The following SEC14L6 variants were observed in gnomAD, a reference collection of about 807,000 sequenced individuals.
SEC14L6 encodes SEC14-like protein 6.
A neutral mutation model predicts 54.1 loss-of-function variants in SEC14L6; 40 were observed. That is an observed-to-expected ratio of 0.74 (90% CI 0.57 to 0.96). The LOEUF is 0.96. Among genes scored for constraint, SEC14L6 ranks in the 40% least tolerant of loss-of-function variants. The probability of loss-of-function intolerance (pLI) is 0.00; values close to 1 mark genes in which losing one functional copy is unlikely to be tolerated. For missense variants in SEC14L6, 471 were observed against 498.3 expected, an observed-to-expected ratio of 0.95 and a Z score of 0.52; for synonymous variants, 171 against 198.4, an observed-to-expected ratio of 0.86 and a Z score of 1.16.
At chr22:30,542,568 G>C in intron 1 of SEC14L6, 1 of 1,411,414 alleles carries the variant, frequency 7.1e-7, no homozygotes, top group Non-Finnish European at 9.2e-7. Flanking sequence ...GCGTAGCCGC[G>C]GCCCATGGAG....
chr22:30,546,670 C>G lies in SEC14L6; in HGVS notation c.13G>C (p.Val5Leu). 3 of 1,550,546 alleles carry G rather than the reference C, an allele frequency of 1.9e-6. No individual in the cohort carries two copies. Among genetic ancestry groups the G allele is most frequent in the Non-Finnish European group, 2.6e-6 (3 of 1,146,978 alleles). Reference protein sequence around the residue: MSGQVGDLSPSQEKS... With the variant: MSGQLGDLSPSQEKS... Reference sequence around the variant, plus strand: ...TCCTGCGATGGGCTCAGGTCACCCACTTGTCCACTCATGCTGCCCATGAAT... The same window carrying G: ...TCCTGCGATGGGCTCAGGTCACCCAGTTGTCCACTCATGCTGCCCATGAAT... The change falls in exon 1 of 12, where the codon GTG becomes CTG. Residue 5 changes from valine (V) to leucine (L), a missense_variant. Val to Leu is a conservative substitution (Grantham distance 32). Transcript: ENST00000402034.
At chr22:30,544,706 TCCTCAGGTC>T (rs1301466252) in intron 1 of SEC14L6, among the ~76,000 whole-genome samples, 1 of 152,096 alleles carries the variant, frequency 6.6e-6, no homozygotes, top group African/African-American at 2.4e-5. Context: ...ACCCTCCGCT[TCCTCAGGTC>T]CCTCCAAGAC....
chr22:30,527,941 T>A (rs554306463), intron 8 of SEC14L6, among the ~76,000 whole-genome samples: 2 of 151,978 alleles, frequency 1.3e-5, no homozygotes, highest in South Asian at 2.1e-4. Context: ...GATAAGTAGT[T>A]ACAAAAGGGT....
rs2085764383 is a variant in SEC14L6 at position 30,543,717 on chromosome 22, G to C, written c.54+2912C>G. ...TGGTGGGCGTGGTGTGCACCTTGCTGGTGGCCCTACTGATGGAGGCTCTCT... is the reference window on the plus strand; with the variant it reads ...TGGTGGGCGTGGTGTGCACCTTGCTCGTGGCCCTACTGATGGAGGCTCTCT... On this transcript the variant is annotated intron_variant, in intron 1 of 11. Coordinates refer to ENST00000402034, the MANE Select transcript of SEC14L6 (RefSeq NM_001193336.4). 6.2e-6 allele frequency: 10 copies of C among 1,603,854 alleles called. No individual in the cohort carries two copies. The Admixed American group carries it at 8.3e-5, about 13-fold the overall frequency.
intron 1 of SEC14L6, chr22:30,543,748 G>A (rs911772238): frequency 2.3e-5 from 37 of 1,576,358 alleles, no homozygotes; most frequent in South Asian, 4.4e-5. Flanking sequence ...TCTCTACCTC[G>A]TCCGAATCAG....
intron 6 of SEC14L6, 105 bp from the exon 7 acceptor site, chr22:30,529,454 G>A: frequency 3.4e-6 from 3 of 889,424 alleles, no homozygotes; most frequent in African/African-American, 1.7e-5. Flanking sequence ...GGCCTCGAAT[G>A]CCAACCATCC....
At chr22:30,538,129 C>T (rs1234076767) in intron 2 of SEC14L6, among the ~76,000 whole-genome samples, 4 of 151,968 alleles carry the variant, frequency 2.6e-5, no homozygotes, top group African/African-American at 9.7e-5. Flanking sequence ...CATCTGAGGT[C>T]GGGAGTTTGA....
intron 1 of SEC14L6, among the ~76,000 whole-genome samples, chr22:30,541,525 G>A (rs5749123): frequency 0.75 from 114,442 of 152,058 alleles, 43,400 homozygotes; most frequent in African/African-American, 0.82. Flanking sequence ...CAGGTATGGT[G>A]GCACACGCCT....
intron 8 of SEC14L6, among the ~76,000 whole-genome samples, chr22:30,528,768 A>G (rs1936866319): frequency 6.6e-6 from 1 of 152,158 alleles, no homozygotes; most frequent in African/African-American, 2.4e-5. Flanking sequence ...TGAGGAAACC[A>G]AGACCAAGAC....
chr22:30,543,685 T>C, intron 1 of SEC14L6: 5 of 1,611,236 alleles, frequency 3.1e-6, no homozygotes, highest in Non-Finnish European at 4.2e-6. Flanking sequence ...ACAGAACATC[T>C]ATATTGTGGT....
Position 30,525,363 on chromosome 22 carries a change from G to A in SEC14L6, c.1068C>T (p.Leu356=), listed in dbSNP as rs571606159. The A allele has an allele frequency of 1.2e-6, 2 of 1,614,150 alleles. No individual in the cohort carries two copies. The highest frequency in any genetic ancestry group is 2.2e-5 in the South Asian group (2 of 91,078). Residue 356 remains leucine, a synonymous_variant, in exon 11 of 12, where the codon CTC becomes CTT. Transcript: ENST00000402034. ...GCCAACTCTTACAGCTGCCGGCCTGGAGGCAGGTGAGAATCCCATCTTCAG... is the reference window on the plus strand; with the variant it reads ...GCCAACTCTTACAGCTGCCGGCCTGAAGGCAGGTGAGAATCCCATCTTCAG... ...MVPEDGILTC[L]QAGSYVLRFY... is the part of the protein sequence containing the mutation.
At chr22:30,528,363 C>T (rs1180573881) in intron 8 of SEC14L6, among the ~76,000 whole-genome samples, 1 of 151,034 alleles carries the variant, frequency 6.6e-6, no homozygotes, top group Admixed American at 6.6e-5. Flanking sequence ...CCTCGTGATC[C>T]ACCCACCTCG....
In SEC14L6 at chr22:30,523,771, A is replaced by G. The variant is rs1039408940; in HGVS notation, c.*1226T>C. ...TGGAAGACAGAATAGAGAGTTTAAA[A>G]TTCTTTCTAGATGGGAAACTGTGAG... On this transcript the variant is annotated 3_prime_UTR_variant, in exon 12 of 12. Transcript: ENST00000402034. 12 of 152,234 alleles carry G rather than the reference A, an allele frequency of 7.9e-5. No homozygotes were observed. The highest frequency in any genetic ancestry group is 2.9e-4 in the African/African-American group (12 of 41,466). The allele number at this position is 152,234 out of a possible 1,614,324, so 9.4% of individuals were successfully genotyped here. A position where few individuals can be genotyped will look rare whatever the true frequency, so the allele number is the denominator to read the frequency against.
Position 30,532,437 on chromosome 22 carries a change from G to A in SEC14L6, c.423+88C>T, listed in dbSNP as rs116097220. 8.6e-4 allele frequency: 1,201 copies of A among 1,393,942 alleles called. 14 individuals carry two copies. The African/African-American group carries it at 0.016, about 19-fold the overall frequency. 86.3% of individuals were successfully genotyped at this position (1,393,942 alleles called of 1,614,324 possible). On this transcript the variant is annotated intron_variant, in intron 5 of 11. Coordinates refer to ENST00000402034, the MANE Select transcript of SEC14L6 (RefSeq NM_001193336.4). ...TACCAGGAGGAGCCGAGGAGCCCAG[G>A]AGCCCAGGAAGGCAGATTCTGGGTG...
In SEC14L6 at chr22:30,523,753, CAGAAT is replaced by C. The variant is rs1376416225; in HGVS notation, c.*1239_*1243del. ...TGGGAGGGAACGTGTATGTGGAAGA[CAGAAT>C]AGAGAGTTTAAAATTCTTTCTAGAT... On this transcript the variant is annotated 3_prime_UTR_variant, in exon 12 of 12. Transcript: ENST00000402034. 12 of 152,288 alleles carry C rather than the reference CAGAAT, an allele frequency of 7.9e-5. No homozygotes were observed. Among genetic ancestry groups the C allele is most frequent in the African/African-American group, 2.9e-4 (12 of 41,544 alleles). The allele number at this position is 152,288 out of a possible 1,614,324, so 9.4% of individuals were successfully genotyped here. A position where few individuals can be genotyped will look rare whatever the true frequency, so the allele number is the denominator to read the frequency against.
At position 30,525,839 on chromosome 22, in the gene SEC14L6, T is replaced by C. The variant is rs921192966; in HGVS notation, c.758A>G (p.Lys253Arg). Reference sequence around the variant, plus strand: ...GGCACCCTGTACCTTGGTCAGGCACTTGGGGTTGCCATCGGGGTCAGTCAT... The same window carrying C: ...GGCACCCTGTACCTTGGTCAGGCACCTGGGGTTGCCATCGGGGTCAGTCAT... Reference protein sequence around the residue: ...GTMTDPDGNPKCLTKINYGGE... With the variant: ...GTMTDPDGNPRCLTKINYGGE... The change falls in exon 9 of 12, where the codon AAG becomes AGG. Residue 253 changes from lysine (K) to arginine (R), a missense_variant. Transcript: ENST00000402034. 1 of 1,613,794 alleles carries C rather than the reference T, an allele frequency of 6.2e-7. No individual in the cohort carries two copies.
chr22:30,543,704 T>C, intron 1 of SEC14L6: 2 of 1,607,848 alleles, frequency 1.2e-6, no homozygotes, highest in South Asian at 2.2e-5. Flanking sequence ...GTGGGCGTGG[T>C]GTGCACCTTG....
chr22:30,528,804 T>C (rs971418099), intron 8 of SEC14L6, among the ~76,000 whole-genome samples: 2 of 152,138 alleles, frequency 1.3e-5, no homozygotes, highest in Non-Finnish European at 1.5e-5. Context: ...CTCACTCCGC[T>C]TGCAGCTAAT....
At chr22:30,534,302 C>A (rs1405319540) in intron 2 of SEC14L6, among the ~76,000 whole-genome samples, 1 of 152,196 alleles carries the variant, frequency 6.6e-6, no homozygotes, top group African/African-American at 2.4e-5. Flanking sequence ...ATTGAGACAG[C>A]AGACCCTCAG....
Sources: gnomAD v4.1 joint callset for allele counts (sites outside exome capture counted in the v4.1 genomes callset) on GRCh38, gnomAD v4.1.1 for gene constraint, MANE v1.5 for transcripts, NCBI Gene and HGNC (gene_info 2026-07-23, HGNC 2026-07-21) for gene names.